The following AGTPBP1 variants were observed in gnomAD, a reference collection of about 807,000 sequenced individuals.
AGTPBP1 encodes cytosolic carboxypeptidase 1.
In AGTPBP1, 70 loss-of-function variants were observed where a neutral mutation model predicts 143.9. That is an observed-to-expected ratio of 0.49 (90% CI 0.40 to 0.59). The LOEUF is 0.59. Among genes scored for constraint, AGTPBP1 ranks in the 20% least tolerant of loss-of-function variants. The pLI is 0.00. For missense variants in AGTPBP1, 1,229 were observed against 1,464.5 expected, an observed-to-expected ratio of 0.84 and a Z score of 2.62; for synonymous variants, 463 against 500.2, an observed-to-expected ratio of 0.93 and a Z score of 0.99.
the AGTPBP1 span, among the ~76,000 whole-genome samples, chr9:85,802,002 T>C: frequency 6.6e-6 from 1 of 152,208 alleles, no homozygotes; most frequent in Admixed American, 6.5e-5. Context: ...TCAAAATCCT[T>C]ACTGTGTCTC....
At chr9:85,554,800 A>C (rs935620084) in intron 25 of AGTPBP1, among the ~76,000 whole-genome samples, 3 of 152,220 alleles carry the variant, frequency 2.0e-5, no homozygotes, top group African/African-American at 7.2e-5. Context: ...CTCAGGCATG[A>C]ACTTTAAGTA....
At chr9:85,564,263 A>G (rs1357487436) in intron 25 of AGTPBP1, among the ~76,000 whole-genome samples, 2 of 152,218 alleles carry the variant, frequency 1.3e-5, no homozygotes, top group African/African-American at 2.4e-5. Context: ...GCTAAAGATC[A>G]TTTTCAAGCC....
At chr9:85,575,021 T>C (rs1209847498) in intron 25 of AGTPBP1, among the ~76,000 whole-genome samples, 2 of 152,228 alleles carry the variant, frequency 1.3e-5, no homozygotes, top group Admixed American at 6.5e-5. Context: ...CTAAGCCCTC[T>C]TAACTTAGAT....
chr9:85,744,655 A>G (rs1038552619), upstream of AGTPBP1, among the ~76,000 whole-genome samples: 5 of 152,218 alleles, frequency 3.3e-5, no homozygotes, highest in African/African-American at 1.2e-4. Flanking sequence ...TGATGGGGCC[A>G]GGTTCCCTAT....
At position 85,566,529 on chromosome 9, in the gene AGTPBP1, C is replaced by CAAAAAAAAAAAAAA. The variant is rs72129899; in HGVS notation, c.3503+8772_3503+8785dup. Among the ~76,000 whole-genome samples the CAAAAAAAAAAAAAA allele has an allele frequency of 2.0e-4, 16 of 78,546 alleles. 1 individual carries two copies. Among genetic ancestry groups the CAAAAAAAAAAAAAA allele is most frequent in the African/African-American group, 8.7e-4 (15 of 17,276 alleles). 51.5% of individuals were successfully genotyped at this position (78,546 alleles called of 152,430 possible). A position where few individuals can be genotyped will look rare whatever the true frequency, so the allele number is the denominator to read the frequency against. ...TGGGCAACAGATCAAGACCATGTCT[C>CAAAAAAAAAAAAAA]AAAAAAAAAAAAAAAAAAAAGGCTG... On this transcript the variant is annotated intron_variant, in intron 25 of 25. Coordinates refer to ENST00000357081, the MANE Select transcript of AGTPBP1 (RefSeq NM_001330701.2).
intron 15 of AGTPBP1, 71 bp from the exon 16 acceptor site, chr9:85,619,372 AATT>A: frequency 9.0e-7 from 1 of 1,106,212 alleles, no homozygotes; most frequent in Non-Finnish European, 1.3e-6. Flanking sequence ...AAGTAAATAA[AATT>A]ATAATTAAAA....
the AGTPBP1 span, among the ~76,000 whole-genome samples, chr9:85,757,010 G>C: frequency 6.6e-6 from 1 of 151,070 alleles, no homozygotes; most frequent in African/African-American, 2.4e-5. Flanking sequence ...TTTTTGGGGG[G>C]GTGAAGAAAA....
chr9:85,619,896 A>G (rs968341920), intron 15 of AGTPBP1, among the ~76,000 whole-genome samples: 1 of 152,156 alleles, frequency 6.6e-6, no homozygotes, highest in African/African-American at 2.4e-5. Flanking sequence ...TAAGATGCTC[A>G]ATAATTCTGT....
At chr9:85,623,906 T>C (rs1277116816) in intron 14 of AGTPBP1, among the ~76,000 whole-genome samples, 2 of 152,140 alleles carry the variant, frequency 1.3e-5, no homozygotes, top group African/African-American at 4.8e-5. Context: ...ACAAATAGTC[T>C]AGGTACTCTC....
At chr9:85,723,039 T>C (rs1168214156) in intron 1 of AGTPBP1, among the ~76,000 whole-genome samples, 5 of 152,168 alleles carry the variant, frequency 3.3e-5, no homozygotes, top group African/African-American at 1.2e-4. Flanking sequence ...TGATCCTTCC[T>C]CTGGAAGCTT....
intron 23 of AGTPBP1, among the ~76,000 whole-genome samples, chr9:85,583,450 G>A (rs35489371): frequency 0.04 from 6,062 of 152,156 alleles, 153 homozygotes; most frequent in Middle Eastern, 0.12. Context: ...ATTACCTGAC[G>A]TAACTAATTA....
At chr9:85,734,651 T>C (rs1439034781) in intron 1 of AGTPBP1, among the ~76,000 whole-genome samples, 6 of 152,208 alleles carry the variant, frequency 3.9e-5, no homozygotes, top group Admixed American at 1.3e-4. Flanking sequence ...TTGTGCACTA[T>C]TGATAGGAAT....
At chr9:85,634,523 T>G (rs1831908119) in intron 13 of AGTPBP1, among the ~76,000 whole-genome samples, 1 of 151,992 alleles carries the variant, frequency 6.6e-6, no homozygotes, top group Non-Finnish European at 1.5e-5. Flanking sequence ...AGAATTTGGG[T>G]TTTTACTCTG....
At position 85,633,079 on chromosome 9, in the gene AGTPBP1, G is replaced by C; in HGVS notation, c.1598C>G (p.Ala533Gly). The change falls in exon 14 of 26, where the codon GCC (alanine) becomes GGC (glycine). Residue 533 changes from alanine (A) to glycine (G), a missense_variant. Ala to Gly is a moderately conservative substitution (Grantham distance 60). Transcript: ENST00000357081. ...VHGLNNDIVK[A>G]LDRITLQNIP... ...ATTCTGCAATGTAATTCGGTCCAAGGCCTTTACAATATCATTGTTTAAACC... is the reference window on the plus strand; with the variant it reads ...ATTCTGCAATGTAATTCGGTCCAAGCCCTTTACAATATCATTGTTTAAACC... 6.2e-7 allele frequency: 1 copy of C among 1,614,126 alleles called. No individual in the cohort carries two copies. The highest frequency in any genetic ancestry group is 8.5e-7 in the Non-Finnish European group (1 of 1,180,016).
chr9:85,802,354 C>T, the AGTPBP1 span, among the ~76,000 whole-genome samples: 17 of 152,104 alleles, frequency 1.1e-4, no homozygotes, highest in African/African-American at 4.1e-4. Flanking sequence ...TCCCCTTATA[C>T]TTGCCTGGTC....
rs777950925 is a variant in AGTPBP1, at chr9:85,592,691, T to C, written c.2437A>G (p.Arg813Gly). ...TGCCCACCTGCAGCAACTGAACTTC[T>C]TGAGAAATGATTTCTGCAATAAAAA... The part of the protein sequence containing the change: ...DICYYKNHFS[R>G]SSVAAGGQKG... The change falls in exon 19 of 26, where the codon AGA (arginine) becomes GGA (glycine). Residue 813 changes from arginine to glycine, a missense_variant. Arg to Gly is a moderately radical substitution (Grantham distance 125). Around this residue, in one of 2 missense-constraint regions of AGTPBP1, gnomAD observed 486 missense variants for 652.3 expected, o/e 0.75. Transcript: ENST00000357081. The C allele has an allele frequency of 6.2e-7, 1 of 1,610,900 alleles. No individual in the cohort carries two copies. The highest frequency in any genetic ancestry group is 1.1e-5 in the South Asian group (1 of 90,166).
chr9:85,786,310 C>A, the AGTPBP1 span: 5 of 1,606,762 alleles, frequency 3.1e-6, no homozygotes, highest in Non-Finnish European at 4.3e-6. Flanking sequence ...TTTAGCACCC[C>A]CCAGTGGGCA....
chr9:85,693,269 C>A (rs1422772239), intron 2 of AGTPBP1, among the ~76,000 whole-genome samples: 3 of 152,084 alleles, frequency 2.0e-5, no homozygotes, highest in Non-Finnish European at 2.9e-5. Flanking sequence ...TATCCTCCAC[C>A]TATGTTCTTT....
At chr9:85,571,571 T>C (rs1827463770) in intron 25 of AGTPBP1, among the ~76,000 whole-genome samples, 1 of 152,200 alleles carries the variant, frequency 6.6e-6, no homozygotes, top group Non-Finnish European at 1.5e-5. Context: ...ACGTGCCCAT[T>C]AAAATATTTA....
Sources: allele counts gnomAD v4.1 joint callset (sites outside exome capture counted in the v4.1 genomes callset), GRCh38; gene constraint gnomAD v4.1.1; regional missense constraint gnomAD v4.1.1; transcripts MANE v1.5; gene names NCBI Gene and HGNC (gene_info 2026-07-23, HGNC 2026-07-21).